The following PCDHGA4 variants were observed in gnomAD, a reference collection of about 807,000 sequenced individuals.
The protein encoded by PCDHGA4 is protocadherin gamma subfamily A, 4.
Under a neutral mutation model 54.6 loss-of-function variants are expected in PCDHGA4, and 38 were observed. That is an observed-to-expected ratio of 0.70 (90% confidence interval 0.54 to 0.91). PCDHGA4 has a LOEUF of 0.91. Ranked by LOEUF, PCDHGA4 falls within the 40% of genes least tolerant of loss-of-function variation. The pLI is 0.00. For synonymous variants in PCDHGA4, 511 were observed against 512.9 expected, an observed-to-expected ratio of 1.00 and a Z score of 0.05; for missense variants, 1,298 against 1,220.9, an observed-to-expected ratio of 1.06 and a Z score of -0.94.
chr5:141,429,204 A>ACACACACG, intron 1 of PCDHGA4: 1 of 150,162 alleles, frequency 6.7e-6, no homozygotes, highest in Non-Finnish European at 1.5e-5. Context: ...ACACACACAC[A>ACACACACG]CGTGTGAAAA....
rs758172962 is a variant in PCDHGA4, at chr5:141,364,474, A to G, written c.2514+6853A>G. 6.8e-6 allele frequency: 11 copies of G among 1,614,012 alleles called. 1 individual carries two copies. Among genetic ancestry groups the G allele is most frequent in the Middle Eastern group, 1.7e-4 (1 of 6,056 alleles). Reference sequence around the variant, plus strand: ...ACAAAGGCTCCTTCGTCGGCAACATAGCCAAGGACCTTGGGCTGGAGCCCC... The same window carrying G: ...ACAAAGGCTCCTTCGTCGGCAACATGGCCAAGGACCTTGGGCTGGAGCCCC... On this transcript the variant is annotated intron_variant, in intron 1 of 3. Transcript: ENST00000571252.
At position 141,485,729 on chromosome 5, in the gene PCDHGA4, A is replaced by G. The variant is rs2099618322; in HGVS notation, c.2515-9078A>G. 6.2e-7 allele frequency: 1 copy of G among 1,614,092 alleles called. No individual in the cohort carries two copies. The highest frequency in any genetic ancestry group is 1.1e-5 in the South Asian group (1 of 91,094). ...CTTTGCACTGGATGTGAAGAAGCGCAGCGACGGCAGCCTGGTCCCAGAGCT... is the reference window on the plus strand; with the variant it reads ...CTTTGCACTGGATGTGAAGAAGCGCGGCGACGGCAGCCTGGTCCCAGAGCT... On this transcript the variant is annotated intron_variant, in intron 1 of 3. Coordinates refer to ENST00000571252, the MANE Select transcript of PCDHGA4 (RefSeq NM_018917.4). This position sits in a 1 kb window ranked among gnomAD's most constrained non-coding sequence, Gnocchi z 5.7.
intron 1 of PCDHGA4, chr5:141,404,726 G>A (rs772532099): frequency 6.2e-7 from 1 of 1,614,094 alleles, no homozygotes; most frequent in Admixed American, 1.7e-5. Context: ...GACCAAGGTG[G>A]TGGCAGTGGA....
In PCDHGA4 at chr5:141,485,013, C is replaced by A. The variant is rs551059588; in HGVS notation, c.2515-9794C>A. ...GTGAAAGGCAGACAAATCTACCCCG[C>A]CACCAGCAAAAACGGCGCGTAACCC... On this transcript the variant is annotated intron_variant, in intron 1 of 3. Coordinates refer to ENST00000571252, the MANE Select transcript of PCDHGA4 (RefSeq NM_018917.4). This position sits in a 1 kb window ranked among gnomAD's most constrained non-coding sequence, Gnocchi z 5.7. The A allele has an allele frequency of 6.3e-6, 4 of 634,556 alleles. No homozygotes were observed. Among genetic ancestry groups the A allele is most frequent in the South Asian group, 3.9e-5 (2 of 51,594 alleles). The allele number at this position is 634,556 out of a possible 1,614,324, so 39.3% of individuals were successfully genotyped here. A position where few individuals can be genotyped will look rare whatever the true frequency, so the allele number is the denominator to read the frequency against.
At chr5:141,365,876 G>A (rs1764179173) in intron 1 of PCDHGA4, 2 of 1,614,122 alleles carry the variant, frequency 1.2e-6, no homozygotes, top group Non-Finnish European at 1.7e-6. Context: ...TGTCCTGTAT[G>A]CTCTGAGATC....
intron 1 of PCDHGA4, among the ~76,000 whole-genome samples, chr5:141,468,130 G>C (rs1312004369): frequency 6.6e-6 from 1 of 151,878 alleles, no homozygotes; most frequent in Admixed American, 6.6e-5. Context: ...TTTGAGACCA[G>C]CCTGGCCAAC....
chr5:141,384,958 T>C, intron 1 of PCDHGA4: 1 of 1,613,954 alleles, frequency 6.2e-7, no homozygotes, highest in Non-Finnish European at 8.5e-7. Flanking sequence ...TCCTTACAAC[T>C]ATGACCTCAC....
chr5:141,458,624 C>G (rs1382508302), intron 1 of PCDHGA4, among the ~76,000 whole-genome samples: 1 of 152,082 alleles, frequency 6.6e-6, no homozygotes, highest in East Asian at 1.9e-4. Context: ...GGCTGGAGTG[C>G]AGTGGCACAA....
chr5:141,376,156 G>C, intron 1 of PCDHGA4: 2 of 1,614,074 alleles, frequency 1.2e-6, no homozygotes, highest in South Asian at 1.1e-5. Context: ...ACCTCACTCT[G>C]TACCTGGTGG....
chr5:141,377,732 C>A (rs554693714), intron 1 of PCDHGA4: 2 of 152,264 alleles, frequency 1.3e-5, no homozygotes, highest in African/African-American at 4.8e-5. Flanking sequence ...AGATAAGAAT[C>A]ATTGGTAACT....
chr5:141,405,103 G>A (rs368202826), intron 1 of PCDHGA4: 2 of 1,613,922 alleles, frequency 1.2e-6, no homozygotes, highest in Non-Finnish European at 1.7e-6. Flanking sequence ...TCAGGCTGAG[G>A]CACTGGCACT....
chr5:141,428,186 C>CCGCTCTCTG, intron 1 of PCDHGA4: 2 of 1,460,956 alleles, frequency 1.4e-6, no homozygotes, highest in Non-Finnish European at 1.9e-6. Flanking sequence ...AGGACAGCCG[C>CCGCTCTCTG]CGCTCTCTGC....
At chr5:141,478,159 T>C (rs1456465606) in intron 1 of PCDHGA4, 2 of 1,614,064 alleles carry the variant, frequency 1.2e-6, no homozygotes, top group Admixed American at 1.7e-5. Flanking sequence ...CCTCTGGCTC[T>C]GCCCCCCGGG....
At chr5:141,411,732 A>C (rs1437829295) in intron 1 of PCDHGA4, 4 of 152,694 alleles carry the variant, frequency 2.6e-5, no homozygotes, top group African/African-American at 9.7e-5. Flanking sequence ...ACATTTAAAA[A>C]TTAGCAGGGT....
chr5:141,495,833 G>A (rs559689667), intron 2 of PCDHGA4, among the ~76,000 whole-genome samples: 3 of 151,876 alleles, frequency 2.0e-5, no homozygotes, highest in African/African-American at 4.8e-5. Context: ...TCTATCCCCA[G>A]CCTCTATGTT....
At chr5:141,366,444 T>C (rs1255938272) in intron 1 of PCDHGA4, 2 of 1,614,214 alleles carry the variant, frequency 1.2e-6, no homozygotes, top group Non-Finnish European at 1.7e-6. Flanking sequence ...TGCGTCTTCC[T>C]GGCCTTCGTC....
At chr5:141,413,550 A>C (rs2095653911) in intron 1 of PCDHGA4, 1 of 1,613,974 alleles carries the variant, frequency 6.2e-7, no homozygotes, top group Non-Finnish European at 8.5e-7. Context: ...GGATAGAAAT[A>C]GAAGTAACTG....
intron 1 of PCDHGA4, chr5:141,364,121 G>A: frequency 4.4e-6 from 2 of 459,268 alleles, no homozygotes; most frequent in Non-Finnish European, 7.6e-6. Context: ...GACTCTGAGT[G>A]TCGCTGTTGA....
rs372656276 is a variant in PCDHGA4, at chr5:141,415,107, A to G, written c.2514+57486A>G. ...TGCTGGACAGAGACGCGCTCAAGCA[A>G]AGCCTCGTAGTGGCCGTCCAGGACC... is the stretch of plus-strand genomic sequence containing the variant. On this transcript the variant is annotated intron_variant, in intron 1 of 3. Transcript: ENST00000571252. 1,052 of 1,613,570 alleles carry G rather than the reference A, an allele frequency of 6.5e-4. 7 individuals carry two copies. The African/African-American group carries it at 8.4e-3, about 13-fold the overall frequency.
Sources: gnomAD v4.1 joint callset for allele counts (sites outside exome capture counted in the v4.1 genomes callset) on GRCh38, gnomAD v4.1.1 for gene constraint, Gnocchi (gnomAD v3.1) non-coding constraint, MANE v1.5 for transcripts, NCBI Gene and HGNC (gene_info 2026-07-23, HGNC 2026-07-21) for gene names.